The following XKR6 variants were observed in gnomAD, a reference collection of about 807,000 sequenced individuals.
XKR6 encodes the protein XK related 6, also known as XK-related protein 6.
Under a neutral mutation model 56.7 loss-of-function variants are expected in XKR6, and 22 were observed. The observed-to-expected ratio is 0.39, with a 90% confidence interval of 0.28 to 0.55. The LOEUF (loss-of-function observed/expected upper bound fraction) is 0.55. Among genes scored for constraint, XKR6 ranks in the 20% least tolerant of loss-of-function variants. The pLI, the probability that XKR6 is intolerant of heterozygous loss-of-function variation, is 0.66. For missense variants in XKR6, 852 were observed against 889.0 expected, an observed-to-expected ratio of 0.96 and a Z score of 0.53; for synonymous variants, 524 against 387.8, an observed-to-expected ratio of 1.35 and a Z score of -4.13.
intron 2 of XKR6, among the ~76,000 whole-genome samples, chr8:10,900,607 T>C (rs1028396598): frequency 6.6e-6 from 1 of 152,248 alleles, no homozygotes; most frequent in African/African-American, 2.4e-5. Flanking sequence ...GAAATCTATC[T>C]GGAAAACATC....
chr8:11,011,007 G>A (rs1361714907), intron 1 of XKR6, among the ~76,000 whole-genome samples: 3 of 152,144 alleles, frequency 2.0e-5, no homozygotes, highest in South Asian at 2.1e-4. Context: ...CATTGTCTCC[G>A]CATCTCTCAG....
At chr8:11,038,643 T>A (rs1799208276) in intron 1 of XKR6, among the ~76,000 whole-genome samples, 1 of 151,844 alleles carries the variant, frequency 6.6e-6, no homozygotes, top group South Asian at 2.1e-4. Context: ...CAGATGATCC[T>A]CCTGCCTCAG....
At chr8:11,125,954 C>A (rs922543145) in intron 1 of XKR6, 5 of 152,272 alleles carry the variant, frequency 3.3e-5, no homozygotes, top group African/African-American at 7.2e-5. Flanking sequence ...TAGTAACTCA[C>A]AACAAACTTG....
Position 11,114,707 on chromosome 8 carries a change from G to A in XKR6, c.764+85869C>T, listed in dbSNP as rs1207035978. Among the ~76,000 whole-genome samples the A allele has an allele frequency of 1.3e-4, 19 of 150,012 alleles. No homozygotes were observed. In the Admixed American group the frequency reaches 1.3e-3, roughly 10 times the overall value. The stretch of plus-strand genomic sequence containing the variant: ...TTAAATTTAACAATATTTTAATGAA[G>A]TCAGCTACTTAGATCACATATGTGT... On this transcript the variant is annotated intron_variant, in intron 1 of 2. Coordinates refer to ENST00000416569, the MANE Select transcript of XKR6 (RefSeq NM_173683.4).
chr8:11,137,366 C>T (rs1234979821), intron 1 of XKR6: 2 of 333,282 alleles, frequency 6.0e-6, no homozygotes, highest in South Asian at 4.8e-5. Flanking sequence ...ACAAAGGAGT[C>T]CAGGATAATA....
intron 1 of XKR6, among the ~76,000 whole-genome samples, chr8:10,952,572 G>C (rs555021281): frequency 1.3e-5 from 2 of 152,238 alleles, no homozygotes; most frequent in South Asian, 4.2e-4. Flanking sequence ...TCCCATCTCA[G>C]CCTCCCCCGT....
At chr8:11,009,880 T>C (rs1369161196) in intron 1 of XKR6, among the ~76,000 whole-genome samples, 1 of 152,142 alleles carries the variant, frequency 6.6e-6, no homozygotes, top group Non-Finnish European at 1.5e-5. Flanking sequence ...TGGTATGGAG[T>C]GTAGGGGAAC....
chr8:10,915,552 G>C (rs558584051), intron 2 of XKR6, among the ~76,000 whole-genome samples: 2 of 152,046 alleles, frequency 1.3e-5, no homozygotes, highest in Non-Finnish European at 2.9e-5. Flanking sequence ...CTCGCCATTG[G>C]TCGGTAGGGC....
At chr8:11,114,426 A>T (rs1799060148) in intron 1 of XKR6, among the ~76,000 whole-genome samples, 1 of 152,146 alleles carries the variant, frequency 6.6e-6, no homozygotes, top group African/African-American at 2.4e-5. Context: ...AGTGGCATGG[A>T]TCTCAGCTCA....
chr8:11,075,797 TG>T (rs898666711), intron 1 of XKR6, among the ~76,000 whole-genome samples: 2 of 152,034 alleles, frequency 1.3e-5, no homozygotes, highest in African/African-American at 2.4e-5. Flanking sequence ...CACTTGAACC[TG>T]GGGGGCAGAG....
At chr8:11,065,290 A>G (rs1245582141) in intron 1 of XKR6, among the ~76,000 whole-genome samples, 1 of 152,250 alleles carries the variant, frequency 6.6e-6, no homozygotes, top group Admixed American at 6.5e-5. Flanking sequence ...ACTATGAACC[A>G]TGAGAGGAAG....
rs2129138891 is a variant in XKR6 at position 10,985,873 on chromosome 8, T to G, written c.765-61043A>C. Among the ~76,000 whole-genome samples the G allele has an allele frequency of 1.3e-5, 2 of 152,302 alleles. 1 individual carries two copies. The highest frequency in any genetic ancestry group is 4.1e-4 in the South Asian group (2 of 4,820). ...CACCTGCCTTGGACTCCCAGAGCGC[T>G]GGGATTACAGGCATGAGCCACTGCA... On this transcript the variant is annotated intron_variant, in intron 1 of 2. Transcript: ENST00000416569.
chr8:10,985,536 T>C (rs1402630273), intron 1 of XKR6, among the ~76,000 whole-genome samples: 1 of 151,310 alleles, frequency 6.6e-6, no homozygotes, highest in Non-Finnish European at 1.5e-5. Context: ...CACACTTCTT[T>C]CTTGCTCAAA....
At chr8:11,131,154 T>G (rs1374253684) in intron 1 of XKR6, among the ~76,000 whole-genome samples, 1 of 152,198 alleles carries the variant, frequency 6.6e-6, no homozygotes, top group East Asian at 1.9e-4. Context: ...TGTATTGAAT[T>G]CAGCATTTGT....
intron 1 of XKR6, among the ~76,000 whole-genome samples, chr8:11,061,224 G>C (rs567142336): frequency 1.3e-5 from 2 of 152,326 alleles, no homozygotes; most frequent in South Asian, 2.1e-4. Flanking sequence ...GGCACTTTGG[G>C]AGGCCCAGGT....
At chr8:11,029,720 C>A (rs371923512) in intron 1 of XKR6, among the ~76,000 whole-genome samples, 1 of 152,026 alleles carries the variant, frequency 6.6e-6, no homozygotes. Flanking sequence ...CCTTGCCAGT[C>A]CCCCCATTTC....
intron 1 of XKR6, among the ~76,000 whole-genome samples, chr8:10,995,275 G>C (rs541883250): frequency 6.6e-6 from 1 of 151,698 alleles, no homozygotes; most frequent in African/African-American, 2.4e-5. Context: ...AGTGCTTTAG[G>C]AGACTGAAGC....
chr8:11,190,240 AAAAAG>A (rs1482187442), intron 1 of XKR6, among the ~76,000 whole-genome samples: 35 of 150,576 alleles, frequency 2.3e-4, no homozygotes, highest in East Asian at 9.7e-4. Flanking sequence ...AGAAAAAAGA[AAAAAG>A]AAAAGAAAAG....
At chr8:11,142,576 G>A (rs999425646) in intron 1 of XKR6, among the ~76,000 whole-genome samples, 1 of 152,132 alleles carries the variant, frequency 6.6e-6, no homozygotes, top group African/African-American at 2.4e-5. Context: ...CACGAGATCT[G>A]ATTGCTTACA....
Sources: gnomAD v4.1 joint callset for allele counts (sites outside exome capture counted in the v4.1 genomes callset) on GRCh38, gnomAD v4.1.1 for gene constraint, MANE v1.5 for transcripts, NCBI Gene and HGNC (gene_info 2026-07-23, HGNC 2026-07-21) for gene names.